Variants in GRAMD1C observed in about 807,000 individuals in gnomAD.
The protein encoded by GRAMD1C is GRAM domain containing 1C, also known as protein Aster-C.
A neutral mutation model predicts 97.8 loss-of-function variants in GRAMD1C; 89 were observed. The ratio of observed to expected loss-of-function variants is 0.91; its 90% CI spans 0.77 to 1.09. The LOEUF (loss-of-function observed/expected upper bound fraction) is 1.09. Among genes scored for constraint, GRAMD1C ranks in the 50% least tolerant of loss-of-function variants. GRAMD1C has a pLI of 0.00. For missense variants in GRAMD1C, 740 were observed against 766.4 expected (o/e 0.97, Z 0.41); for synonymous variants, 256 against 267.0 (o/e 0.96, Z 0.40).
chr3:113,860,875 A>G (rs942738684), intron 2 of GRAMD1C, among the ~76,000 whole-genome samples: 1 of 151,832 alleles, frequency 6.6e-6, no homozygotes, highest in Admixed American at 6.6e-5. Context: ...CTGAGGCAGG[A>G]GAATCGCTTG....
chr3:113,866,020 A>G (rs1011890025), intron 2 of GRAMD1C, among the ~76,000 whole-genome samples: 1 of 151,840 alleles, frequency 6.6e-6, no homozygotes, highest in Non-Finnish European at 1.5e-5. Context: ...GTTCTGGAGA[A>G]TGTTCCATCC....
intron 5 of GRAMD1C, among the ~76,000 whole-genome samples, chr3:113,879,906 C>T (rs1027416465): frequency 1.3e-5 from 2 of 151,976 alleles, no homozygotes; most frequent in Non-Finnish European, 2.9e-5. Flanking sequence ...GTTGGCCAGG[C>T]TGGTCTTGAA....
In GRAMD1C at chr3:113,855,045, C is replaced by G. The variant is rs145590617; in HGVS notation, c.174+10396C>G. On this transcript the variant is annotated intron_variant, in intron 2 of 17. Transcript: ENST00000358160. Reference sequence around the variant, plus strand: ...AGTGACACTGAGCTGAGCATGGTGGCTCACGCCTGTAATCCCAGCAATTTG... The same window carrying G: ...AGTGACACTGAGCTGAGCATGGTGGGTCACGCCTGTAATCCCAGCAATTTG... Among the ~76,000 whole-genome samples, 867 of 152,220 alleles carry G rather than the reference C, an allele frequency of 5.7e-3. 9 individuals carry two copies. Among genetic ancestry groups the G allele is most frequent in the African/African-American group, 0.02 (829 of 41,550 alleles).
chr3:113,938,323 C>T (rs1357045615), intron 15 of GRAMD1C, 180 bp downstream of exon 15: 3 of 409,154 alleles, frequency 7.3e-6, no homozygotes. Flanking sequence ...ATATGATTTT[C>T]AGAAGAATTG....
intron 17 of GRAMD1C, among the ~76,000 whole-genome samples, chr3:113,943,264 A>T (rs979712187): frequency 2.0e-5 from 3 of 152,202 alleles, no homozygotes; most frequent in Admixed American, 6.5e-5. Flanking sequence ...ACAGAGCTAA[A>T]CACTTCTTTC....
At chr3:113,879,212 A>T (rs1218963786) in intron 5 of GRAMD1C, among the ~76,000 whole-genome samples, 2 of 151,830 alleles carry the variant, frequency 1.3e-5, no homozygotes, top group African/African-American at 2.4e-5. Flanking sequence ...CTCAAAAAAA[A>T]AAAACCAAAA....
rs1937520116 is a variant in GRAMD1C at position 113,933,643 on chromosome 3, T to C, written c.1342T>C (p.Cys448Arg). The change falls in exon 12 of 18, where the codon TGC becomes CGC. Residue 448 changes from cysteine (C) to arginine (R), a missense_variant. By Grantham distance (180) the Cys-to-Arg change is radical. Coordinates refer to ENST00000358160, the MANE Select transcript of GRAMD1C (RefSeq NM_017577.5). ...TATCATCCGATCTTCAAAACAGAAA[T>C]GCAGGCTAAGGTGAGCTGCTGTACA... is the stretch of plus-strand genomic sequence containing the variant. ...YCIIRSSKQK[C>R]RLRVSTDLKY... 6.2e-7 allele frequency: 1 copy of C among 1,609,034 alleles called. No individual in the cohort carries two copies. The highest frequency in any genetic ancestry group is 8.5e-7 in the Non-Finnish European group (1 of 1,175,666).
At chr3:113,832,947 C>G (rs1414843137) in intron 1 of GRAMD1C, among the ~76,000 whole-genome samples, 7 of 151,960 alleles carry the variant, frequency 4.6e-5, no homozygotes. Flanking sequence ...GAGCATGTTC[C>G]CAGCTTTGGG....
Position 113,915,807 on chromosome 3 carries a change from G to A in GRAMD1C, c.1059G>A (p.Met353Ile). ...TGCTCTTTACCAGTTCACGCTTTAT[G>A]CAGAAATTTGCCAGTTCTAGAAATA... ...FELLFTSSRF[M>I]QKFASSRNII... The change falls in exon 10 of 18, where the codon ATG becomes ATA. Residue 353 changes from methionine (M) to isoleucine (I), a missense_variant. Coordinates refer to ENST00000358160, the MANE Select transcript of GRAMD1C (RefSeq NM_017577.5). The A allele has an allele frequency of 6.2e-7, 1 of 1,611,570 alleles. No homozygotes were observed. The highest frequency in any genetic ancestry group is 1.1e-5 in the South Asian group (1 of 90,946).
At chr3:113,865,061 C>T (rs1302497315) in intron 2 of GRAMD1C, among the ~76,000 whole-genome samples, 1 of 152,150 alleles carries the variant, frequency 6.6e-6, no homozygotes, top group Non-Finnish European at 1.5e-5. Context: ...CAGGTGGTCT[C>T]ATCCGGCCAG....
At chr3:113,925,474 AAAACAAACAAAC>A (rs146296542) in intron 10 of GRAMD1C, among the ~76,000 whole-genome samples, 9 of 150,656 alleles carry the variant, frequency 6.0e-5, no homozygotes, top group East Asian at 2.0e-4. Context: ...TGTGTCTCAA[AAAACAAACAAAC>A]AAACAAACAA....
chr3:113,834,771 TAAAA>T (rs776577187), upstream of GRAMD1C, among the ~76,000 whole-genome samples: 5 of 119,932 alleles, frequency 4.2e-5, no homozygotes, highest in African/African-American at 1.2e-4. Context: ...CTGTCTCTAC[TAAAA>T]AAAAAAAAAA....
chr3:113,923,321 G>A (rs895928445), intron 10 of GRAMD1C, among the ~76,000 whole-genome samples: 1 of 152,130 alleles, frequency 6.6e-6, no homozygotes, highest in Non-Finnish European at 1.5e-5. Context: ...GAAGTGGTGA[G>A]AGCGGGCATC....
chr3:113,909,376 A>T (rs534729433), intron 9 of GRAMD1C, among the ~76,000 whole-genome samples: 1 of 152,350 alleles, frequency 6.6e-6, no homozygotes, highest in Non-Finnish European at 1.5e-5. Flanking sequence ...TAATAAAAAC[A>T]TATATGCCCA....
intron 11 of GRAMD1C, among the ~76,000 whole-genome samples, chr3:113,932,634 T>A (rs1937479752): frequency 6.6e-6 from 1 of 152,298 alleles, no homozygotes; most frequent in East Asian, 1.9e-4. Context: ...ATGTGGTTTG[T>A]CCTCATGCCT....
At chr3:113,899,294 G>T (rs1246266784) in intron 6 of GRAMD1C, among the ~76,000 whole-genome samples, 2 of 151,892 alleles carry the variant, frequency 1.3e-5, no homozygotes, top group East Asian at 3.9e-4. Context: ...CTTTATCTCA[G>T]CTGAAAACAC....
At position 113,914,577 on chromosome 3, in the gene GRAMD1C, A is replaced by T. The variant is rs1484537741; in HGVS notation, c.953-1124A>T. ...TTTTATTCTGTATCGATGGGGCATC[A>T]TCCTTGAGATAATAGTAAGTAATCT... On this transcript the variant is annotated intron_variant, in intron 9 of 17. Coordinates refer to ENST00000358160, the MANE Select transcript of GRAMD1C (RefSeq NM_017577.5). Among the ~76,000 whole-genome samples the T allele has an allele frequency of 2.6e-5, 4 of 152,172 alleles. No individual in the cohort carries two copies. The East Asian group carries it at 7.7e-4, about 29-fold the overall frequency.
intron 13 of GRAMD1C, 21 bp downstream of exon 13, chr3:113,934,556 A>T: frequency 9.2e-7 from 1 of 1,089,570 alleles, no homozygotes; most frequent in Non-Finnish European, 1.4e-6. Context: ...TTTTTTATTT[A>T]TCTATTTTTG....
intron 2 of GRAMD1C, among the ~76,000 whole-genome samples, chr3:113,852,046 T>A (rs915886931): frequency 6.6e-6 from 1 of 152,156 alleles, no homozygotes; most frequent in Non-Finnish European, 1.5e-5. Flanking sequence ...TTCTGTACTT[T>A]ATCAGTAACT....
Sources: allele counts gnomAD v4.1 joint callset (sites outside exome capture counted in the v4.1 genomes callset), GRCh38; gene constraint gnomAD v4.1.1; transcripts MANE v1.5; gene names NCBI Gene and HGNC (gene_info 2026-07-23, HGNC 2026-07-21).